The following ANTXR1 variants were observed in gnomAD, a reference collection of about 807,000 sequenced individuals.
ANTXR1 encodes anthrax toxin receptor 1.
ANTXR1 carries 19 observed loss-of-function variants against 78.1 expected under a neutral mutation model. The observed-to-expected ratio is 0.24, with a 90% CI of 0.17 to 0.36. The LOEUF (loss-of-function observed/expected upper bound fraction) is 0.36, where lower values mean the gene tolerates loss of function less well. ANTXR1 is among the 10% of genes least tolerant of loss of function. The pLI, the probability that ANTXR1 is intolerant of heterozygous loss-of-function variation, is 1.00. For missense variants in ANTXR1, 518 were observed against 718.6 expected (o/e 0.72, Z 3.19); for synonymous variants, 273 against 260.5 (o/e 1.05, Z -0.46).
chr2:69,127,735 C>G (rs13402326), intron 12 of ANTXR1, among the ~76,000 whole-genome samples: 2,075 of 152,046 alleles, frequency 0.014, 57 homozygotes, highest in African/African-American at 0.047. Flanking sequence ...AATGAATTTT[C>G]CAAAGCATTG....
At chr2:69,235,669 A>G (rs1357608318) in intron 17 of ANTXR1, among the ~76,000 whole-genome samples, 3 of 150,738 alleles carry the variant, frequency 2.0e-5, no homozygotes, top group Non-Finnish European at 4.4e-5. Flanking sequence ...AAAAAAAAAA[A>G]AAAAGAATAG....
At chr2:69,065,017 G>A (rs1016178802) in intron 3 of ANTXR1, among the ~76,000 whole-genome samples, 45 of 152,108 alleles carry the variant, frequency 3.0e-4, no homozygotes, top group African/African-American at 1.1e-3. Flanking sequence ...ATAATAACAA[G>A]TGAATCAATA....
rs76576396 is a variant in ANTXR1, at chr2:69,124,831, G to A, written c.951+188G>A. 0.06 allele frequency among the ~76,000 whole-genome samples: 9,162 copies of A among 152,232 alleles called. 352 individuals are homozygous for A. Among genetic ancestry groups the A allele is most frequent in the Middle Eastern group, 0.082 (24 of 294 alleles). The stretch of plus-strand genomic sequence containing the variant: ...ATTGGGGTGTGCTGTACCCCAGAGT[G>A]TATCAGGCATGTCTGTGTTAAGTTC... On this transcript the variant is annotated intron_variant, in intron 12 of 17. Transcript: ENST00000303714.
intron 9 of ANTXR1, among the ~76,000 whole-genome samples, chr2:69,097,671 T>G (rs542030898): frequency 3.7e-4 from 57 of 152,370 alleles, no homozygotes; most frequent in African/African-American, 1.4e-3. Flanking sequence ...GGAAGAGTTT[T>G]GGTAGTTTCT....
At chr2:69,166,243 A>G (rs1673824551) in intron 13 of ANTXR1, among the ~76,000 whole-genome samples, 1 of 152,216 alleles carries the variant, frequency 6.6e-6, no homozygotes, top group Non-Finnish European at 1.5e-5. Context: ...CTATGCAATG[A>G]TCGTCATCAA....
intron 14 of ANTXR1, chr2:69,172,498 CTAGT>C: frequency 6.8e-7 from 1 of 1,465,186 alleles, no homozygotes; most frequent in South Asian, 1.5e-5. Context: ...GTCTTTTCCT[CTAGT>C]TCCCTGTATT....
chr2:69,137,885 A>T (rs1447396540), intron 12 of ANTXR1, among the ~76,000 whole-genome samples: 1 of 151,846 alleles, frequency 6.6e-6, no homozygotes, highest in Non-Finnish European at 1.5e-5. Context: ...GGAGTTCGAG[A>T]TCAGCCTGGC....
Position 69,246,817 on chromosome 2 carries a change from A to G in ANTXR1, c.*1332A>G, listed in dbSNP as rs773773281. 2.0e-5 allele frequency: 3 copies of G among 152,192 alleles called. No homozygotes were observed. The highest frequency in any genetic ancestry group is 6.5e-5 in the Admixed American group (1 of 15,288). The allele number at this position is 152,192 out of a possible 1,614,324, so 9.4% of individuals were successfully genotyped here. Reference sequence around the variant, plus strand: ...TCACCCAGGGATAAAAACAGAGATCATTGTCTTGGACCTCCTGCATCAGCC... The same window carrying G: ...TCACCCAGGGATAAAAACAGAGATCGTTGTCTTGGACCTCCTGCATCAGCC... On this transcript the variant is annotated 3_prime_UTR_variant, in exon 18 of 18. Transcript: ENST00000303714.
intron 17 of ANTXR1, among the ~76,000 whole-genome samples, chr2:69,224,479 C>T (rs1675393982): frequency 1.3e-5 from 2 of 152,236 alleles, no homozygotes; most frequent in East Asian, 3.9e-4. Context: ...CACCCTTTTT[C>T]CTCCCTATTC....
chr2:69,160,080 G>A (rs148540339), intron 13 of ANTXR1, among the ~76,000 whole-genome samples: 1 of 152,320 alleles, frequency 6.6e-6, no homozygotes, highest in East Asian at 1.9e-4. Flanking sequence ...GCCTAATACT[G>A]ATTGTGCCTT....
chr2:69,125,866 G>T (rs764105520), intron 12 of ANTXR1, among the ~76,000 whole-genome samples: 9 of 151,918 alleles, frequency 5.9e-5, no homozygotes, highest in Non-Finnish European at 1.2e-4. Flanking sequence ...AAAGACATCA[G>T]CCCCTAACAT....
chr2:69,167,061 G>A (rs571539040), intron 13 of ANTXR1, among the ~76,000 whole-genome samples: 14 of 152,146 alleles, frequency 9.2e-5, no homozygotes, highest in African/African-American at 2.9e-4. Context: ...AGGAGGTAGC[G>A]AGCATTTGGG....
intron 16 of ANTXR1, among the ~76,000 whole-genome samples, chr2:69,185,568 G>A (rs943446183): frequency 2.0e-5 from 3 of 147,490 alleles, no homozygotes; most frequent in East Asian, 2.0e-4. Flanking sequence ...AAAAAAAAAA[G>A]AAGAAGAGTT....
intron 17 of ANTXR1, among the ~76,000 whole-genome samples, chr2:69,239,343 C>A (rs1002819638): frequency 6.6e-6 from 1 of 152,222 alleles, no homozygotes; most frequent in South Asian, 2.1e-4. Flanking sequence ...CCAAGGCTGG[C>A]GGATCACCTG....
intron 17 of ANTXR1, among the ~76,000 whole-genome samples, chr2:69,222,068 C>G (rs1003060025): frequency 2.1e-4 from 32 of 152,188 alleles, no homozygotes; most frequent in Non-Finnish European, 3.7e-4. Flanking sequence ...TGGTTCTCTG[C>G]AGTGGCCACT....
chr2:69,156,834 T>C (rs1248616481), intron 13 of ANTXR1, among the ~76,000 whole-genome samples: 1 of 152,234 alleles, frequency 6.6e-6, no homozygotes, highest in African/African-American at 2.4e-5. Context: ...GACTGATGGC[T>C]GCAATCAGCC....
intron 10 of ANTXR1, among the ~76,000 whole-genome samples, chr2:69,106,179 C>T (rs981166486): frequency 1.3e-5 from 2 of 152,152 alleles, no homozygotes; most frequent in African/African-American, 4.8e-5. Context: ...ATTGTTTAGA[C>T]ACATTCTTAG....
rs4854473 is a variant in ANTXR1 at position 69,146,826 on chromosome 2, C to T, written c.952-5343C>T. ...CTGGCCCAGATGGTCCCACTTAGTT[C>T]CAGAGTGGTATCTATGTGGCCCTAT... On this transcript the variant is annotated intron_variant, in intron 12 of 17. Coordinates refer to ENST00000303714, the MANE Select transcript of ANTXR1 (RefSeq NM_032208.3). 3.5e-3 allele frequency among the ~76,000 whole-genome samples: 538 copies of T among 152,362 alleles called. 8 individuals carry two copies. Among genetic ancestry groups the T allele is most frequent in the East Asian group, 0.031 (163 of 5,188 alleles).
chr2:69,057,067 G>T (rs7601505), intron 3 of ANTXR1, among the ~76,000 whole-genome samples: 8,434 of 151,858 alleles, frequency 0.056, 720 homozygotes, highest in African/African-American at 0.19. Flanking sequence ...GATTTTTTTT[G>T]TGTGTAGATA....
Sources: allele counts gnomAD v4.1 joint callset (sites outside exome capture counted in the v4.1 genomes callset), GRCh38; gene constraint gnomAD v4.1.1; transcripts MANE v1.5; gene names NCBI Gene and HGNC (gene_info 2026-07-23, HGNC 2026-07-21).